Variants in ACTR5 observed in about 807,000 individuals in gnomAD.
The protein encoded by ACTR5 is actin related protein 5.
In ACTR5, 43 loss-of-function variants were observed where a neutral mutation model predicts 61.2. The ratio of observed to expected loss-of-function variants is 0.70; its 90% CI spans 0.55 to 0.91. ACTR5 has a LOEUF of 0.91. Among genes scored for constraint, ACTR5 ranks in the 40% least tolerant of loss-of-function variants. The probability of loss-of-function intolerance (pLI) is 0.00; values close to 1 mark genes in which losing one functional copy is unlikely to be tolerated. For synonymous variants in ACTR5, 333 were observed against 310.5 expected (o/e 1.07, Z -0.76); for missense variants, 798 against 782.2 (o/e 1.02, Z -0.24).
rs2084392931 is a variant in ACTR5 at position 38,752,443 on chromosome 20, A to G, written c.775+143A>G. 6.2e-6 allele frequency: 6 copies of G among 968,802 alleles called. No homozygotes were observed. The East Asian group carries it at 1.4e-4, about 22-fold the overall frequency. 60.0% of individuals were successfully genotyped at this position (968,802 alleles called of 1,614,324 possible). A position where few individuals can be genotyped will look rare whatever the true frequency, so the allele number is the denominator to read the frequency against. On this transcript the variant is annotated intron_variant, in intron 3 of 8. Coordinates refer to ENST00000243903, the MANE Select transcript of ACTR5 (RefSeq NM_024855.4). ...TATTCCCTTTCTTAAACTATTCAGT[A>G]AACTGATAACTTATGTTGTATAGGT...
At chr20:38,758,741 C>T (rs1299310157) in intron 5 of ACTR5, among the ~76,000 whole-genome samples, 8 of 152,078 alleles carry the variant, frequency 5.3e-5, no homozygotes, top group African/African-American at 7.2e-5. Flanking sequence ...GAGTCAATTA[C>T]AGTCACATTT....
rs1408357286 is a variant in ACTR5 at position 38,748,697 on chromosome 20, G to GGGCGCGTCGGGCCCGC, written c.220_235dup (p.Gln79ArgfsTer56). 6.6e-7 allele frequency: 1 copy of GGGCGCGTCGGGCCCGC among 1,523,686 alleles called. No individual in the cohort carries two copies. The highest frequency in any genetic ancestry group is 2.6e-5 in the East Asian group (1 of 38,468). 94.4% of individuals were successfully genotyped at this position (1,523,686 alleles called of 1,614,324 possible). On this transcript the variant is annotated frameshift_variant, in exon 1 of 9. Coordinates refer to ENST00000243903, the MANE Select transcript of ACTR5 (RefSeq NM_024855.4). LOFTEE classifies it high-confidence loss of function. ...GCGCCCGCGGTCGTGGCGGGGCACG[G>GGGCGCGTCGGGCCCGC]GGCGCGTCGGGCCCGCAGGTGGGGA...
chr20:38,752,274 G>C lies in ACTR5; in HGVS notation c.749G>C (p.Ser250Thr), dbSNP rs1568634184. The C allele has an allele frequency of 1.9e-6, 3 of 1,612,242 alleles. No homozygotes were observed. The South Asian group carries it at 3.3e-5, about 18-fold the overall frequency. ...ATGGAGGAGATTCTGCATGAGCACA[G>C]CTACATCGCTGAGGATTATGTGGAA... ...SRMEEILHEH[S>T]YIAEDYVEEL... The change falls in exon 3 of 9, where the codon AGC becomes ACC. Residue 250 changes from serine (S) to threonine (T), a missense_variant. Coordinates refer to ENST00000243903, the MANE Select transcript of ACTR5 (RefSeq NM_024855.4).
chr20:38,755,336 A>G (rs2084413738), intron 4 of ACTR5, among the ~76,000 whole-genome samples, 162 bp downstream of exon 4: 1 of 152,236 alleles, frequency 6.6e-6, no homozygotes, highest in African/African-American at 2.4e-5. Context: ...TACAGTGTAG[A>G]AGCAGCTGTT....
In ACTR5 at chr20:38,756,948, CAG is replaced by C. The variant is rs537058034; in HGVS notation, c.1176+910_1176+911del. Among the ~76,000 whole-genome samples, 450 of 152,326 alleles carry C rather than the reference CAG, an allele frequency of 3.0e-3. 3 individuals are homozygous for C. Among genetic ancestry groups the C allele is most frequent in the African/African-American group, 0.01 (426 of 41,574 alleles). On this transcript the variant is annotated intron_variant, in intron 5 of 8. Coordinates refer to ENST00000243903, the MANE Select transcript of ACTR5 (RefSeq NM_024855.4). ...AATAAGTATTTTTGTTTGTTTGAGA[CAG>C]GGTCTCACTTTGTTGCCCAGTTAGA...
intron 5 of ACTR5, among the ~76,000 whole-genome samples, chr20:38,756,853 G>A (rs1023812095): frequency 3.3e-5 from 5 of 152,210 alleles, no homozygotes; most frequent in East Asian, 1.9e-4. Context: ...GCAGTGAGCC[G>A]AGACCGCTCC....
rs774724245 is a variant in ACTR5, at chr20:38,748,545, C to T, written c.67C>T (p.Pro23Ser). The part of the protein sequence containing the change: ...AAPDPVLEAG[P>S]VAHGPLPVPL... ...ACCGGACCCAGTGCTGGAGGCCGGC[C>T]CGGTGGCACACGGGCCACTGCCGGT... The change falls in exon 1 of 9, where the codon CCG (proline) becomes TCG (serine). Residue 23 changes from proline to serine, a missense_variant. Transcript: ENST00000243903. 1.2e-4 allele frequency: 178 copies of T among 1,511,184 alleles called. 3 individuals are homozygous for T. The South Asian group carries it at 2.2e-3, about 19-fold the overall frequency. 93.6% of individuals were successfully genotyped at this position (1,511,184 alleles called of 1,614,324 possible).
intron 8 of ACTR5, 43 bp from the exon 9 acceptor site, chr20:38,771,516 T>C: frequency 6.3e-7 from 1 of 1,587,432 alleles, no homozygotes; most frequent in Non-Finnish European, 8.6e-7. Context: ...CATTCACTCC[T>C]GGAGCCCTGG....
Position 38,755,903 on chromosome 20 carries a change from T to C in ACTR5, c.1040T>C (p.Ile347Thr). The C allele has an allele frequency of 6.2e-7, 1 of 1,614,164 alleles. No homozygotes were observed. Among genetic ancestry groups the C allele is most frequent in the Non-Finnish European group, 8.5e-7 (1 of 1,180,026 alleles). ...GQMDQFHKAL[I>T]ELNMDSPEEL... ...ATGGATCAGTTTCACAAAGCTCTGA[T>C]AGAGCTGAATATGGACTCCCCAGAA... Residue 347 changes from isoleucine to threonine, a missense_variant, in exon 5 of 9, where the codon ATA becomes ACA. Ile to Thr is a moderately conservative substitution (Grantham distance 89). Transcript: ENST00000243903.
intron 5 of ACTR5, among the ~76,000 whole-genome samples, chr20:38,758,540 G>A (rs564833113): frequency 8.6e-5 from 13 of 151,974 alleles, no homozygotes; most frequent in African/African-American, 2.7e-4. Flanking sequence ...CCAGCTACTC[G>A]GGAGGCTGAG....
In ACTR5 at chr20:38,748,520, A is replaced by C. The variant is rs549459760; in HGVS notation, c.42A>C (p.Ala14=). 5.3e-6 allele frequency: 8 copies of C among 1,504,072 alleles called. No homozygotes were observed. Among genetic ancestry groups the C allele is most frequent in the South Asian group, 5.0e-5 (4 of 80,246 alleles). The allele number at this position is 1,504,072 out of a possible 1,614,324, so 93.2% of individuals were successfully genotyped here. A position where few individuals can be genotyped will look rare whatever the true frequency, so the allele number is the denominator to read the frequency against. The stretch of plus-strand genomic sequence containing the variant: ...TCCCGTTCCGCGACGCCCGTGCCGC[A>C]CCGGACCCAGTGCTGGAGGCCGGCC... The part of the protein sequence containing the change: ...NVFPFRDARA[A]PDPVLEAGPV... The change falls in exon 1 of 9, where the codon GCA becomes GCC. Residue 14 remains alanine, a synonymous_variant. Transcript: ENST00000243903.
intron 3 of ACTR5, 133 bp from the exon 4 acceptor site, chr20:38,754,824 C>G: frequency 1.3e-6 from 1 of 759,766 alleles, no homozygotes; most frequent in Non-Finnish European, 2.2e-6. Context: ...CTCCTGACCT[C>G]GTGATCCGCC....
intron 1 of ACTR5, 70 bp downstream of exon 1, chr20:38,748,923 T>C (rs368099192): frequency 3.1e-5 from 47 of 1,515,030 alleles, no homozygotes; most frequent in East Asian, 3.0e-4. Flanking sequence ...CCGCTCACTC[T>C]GCTCTCGGAG....
chr20:38,772,274 A>G lies in ACTR5; in HGVS notation c.*458A>G. 1 of 173,096 alleles carries G rather than the reference A, an allele frequency of 5.8e-6. No individual in the cohort carries two copies. The highest frequency in any genetic ancestry group is 1.3e-5 in the Non-Finnish European group (1 of 79,942). 10.7% of individuals were successfully genotyped at this position (173,096 alleles called of 1,614,324 possible). A position where few individuals can be genotyped will look rare whatever the true frequency, so the allele number is the denominator to read the frequency against. ...CAGTGAGGGGAGGTCTTTCATGCAT[A>G]TAAAAAGGTAATGTTTATTGCCGGG... On this transcript the variant is annotated 3_prime_UTR_variant, in exon 9 of 9. Transcript: ENST00000243903.
At chr20:38,770,921 G>C (rs1169186025) in intron 8 of ACTR5, among the ~76,000 whole-genome samples, 2 of 150,888 alleles carry the variant, frequency 1.3e-5, no homozygotes, top group African/African-American at 2.4e-5. Context: ...GGGGAGGTGA[G>C]AGGGAGGTAG....
intron 3 of ACTR5, 71 bp from the exon 4 acceptor site, chr20:38,754,886 G>C (rs924541783): frequency 4.8e-5 from 74 of 1,525,772 alleles, no homozygotes; most frequent in Non-Finnish European, 6.1e-5. Context: ...CCTGCGCCCA[G>C]CTGGTATTGA....
Position 38,750,013 on chromosome 20 carries a change from T to C in ACTR5, c.379T>C (p.Cys127Arg). The change falls in exon 2 of 9, where the codon TGT becomes CGT. Residue 127 changes from cysteine to arginine, a missense_variant. Cys to Arg is a radical substitution (Grantham distance 180). Transcript: ENST00000243903. ...FQHLGVSSQG[C>R]VDHPIVLTEA... is the part of the protein sequence containing the mutation. ...TTGCCCTTTTCTTTCAAAGTAGGGC[T>C]GTGTTGATCATCCCATAGTTTTGAC... is the stretch of plus-strand genomic sequence containing the variant. 1 of 1,613,458 alleles carries C rather than the reference T, an allele frequency of 6.2e-7. No homozygotes were observed. Among genetic ancestry groups the C allele is most frequent in the Non-Finnish European group, 8.5e-7 (1 of 1,179,362 alleles).
At chr20:38,769,940 AAGT>A (rs530635829) in intron 8 of ACTR5, among the ~76,000 whole-genome samples, 3 of 152,268 alleles carry the variant, frequency 2.0e-5, no homozygotes, top group African/African-American at 7.2e-5. Flanking sequence ...ACTTAGGATG[AAGT>A]AGTAGAGAAA....
chr20:38,755,167 A>C lies in ACTR5; in HGVS notation c.986A>C (p.Tyr329Ser). ...CAGGAGCGTCTGGACCGACTGCTAT[A>C]TGTGCAGGTAATAGCAGACACAGGG... ...LDQERLDRLL[Y>S]VQELLEDGQM... Residue 329 changes from tyrosine to serine, a missense_variant, in exon 4 of 9, where the codon TAT (tyrosine) becomes TCT (serine). Tyr to Ser is a moderately radical substitution (Grantham distance 144). Coordinates refer to ENST00000243903, the MANE Select transcript of ACTR5 (RefSeq NM_024855.4). The C allele has an allele frequency of 6.2e-7, 1 of 1,607,394 alleles. No individual in the cohort carries two copies. The highest frequency in any genetic ancestry group is 8.5e-7 in the Non-Finnish European group (1 of 1,176,802).
Sources: allele counts gnomAD v4.1 joint callset (sites outside exome capture counted in the v4.1 genomes callset), GRCh38; gene constraint gnomAD v4.1.1; transcripts MANE v1.5; gene names NCBI Gene and HGNC (gene_info 2026-07-23, HGNC 2026-07-21).